PTPRN2: variants seen among roughly 807,000 people sequenced by gnomAD.
PTPRN2 encodes the protein protein tyrosine phosphatase receptor type N2.
A neutral mutation model predicts 118.8 loss-of-function variants in PTPRN2; 74 were observed. The ratio of observed to expected loss-of-function variants is 0.62; its 90% CI spans 0.52 to 0.76. PTPRN2 has a LOEUF of 0.76. PTPRN2 is among the 30% of genes least tolerant of loss of function. PTPRN2 has a pLI of 0.00. For missense variants in PTPRN2, 1,481 were observed against 1,394.4 expected (o/e 1.06, Z -0.99); for synonymous variants, 641 against 608.0 (o/e 1.05, Z -0.80).
At chr7:157,829,456 G>A (rs1219817929) in intron 12 of PTPRN2, among the ~76,000 whole-genome samples, 2 of 152,204 alleles carry the variant, frequency 1.3e-5, no homozygotes, top group Non-Finnish European at 1.5e-5. Context: ...CGTGTGCACC[G>A]CAGGCCATAC....
chr7:157,545,437 G>A (rs995405939), intron 22 of PTPRN2, among the ~76,000 whole-genome samples: 1 of 149,514 alleles, frequency 6.7e-6, no homozygotes, highest in African/African-American at 2.5e-5. Flanking sequence ...GTATGCATGG[G>A]TGTGTGCAGG....
chr7:157,662,894 A>AG (rs1454626788), intron 13 of PTPRN2, among the ~76,000 whole-genome samples: 1 of 152,128 alleles, frequency 6.6e-6, no homozygotes, highest in East Asian at 1.9e-4. Context: ...CAGGGTCTGA[A>AG]GGGAAGGCCT....
At chr7:157,854,027 C>T (rs1809494504) in intron 12 of PTPRN2, among the ~76,000 whole-genome samples, 1 of 152,210 alleles carries the variant, frequency 6.6e-6, no homozygotes, top group Admixed American at 6.5e-5. Context: ...TCAGAAGAAA[C>T]CAGCCCTGCC....
intron 2 of PTPRN2, among the ~76,000 whole-genome samples, chr7:158,370,170 G>A (rs1242142483): frequency 1.3e-5 from 2 of 152,220 alleles, no homozygotes; most frequent in Non-Finnish European, 2.9e-5. Flanking sequence ...CAGCGCAGTG[G>A]CTCATGCCTG....
chr7:157,725,707 C>A lies in PTPRN2; in HGVS notation c.1789-42770G>T, dbSNP rs1563042886. Among the ~76,000 whole-genome samples the A allele has an allele frequency of 3.5e-5, 3 of 85,864 alleles. No individual in the cohort carries two copies. In the East Asian group the frequency reaches 8.7e-4, roughly 25 times the overall value. The allele number at this position is 85,864 out of a possible 152,430, so 56.3% of individuals were successfully genotyped here. A position where few individuals can be genotyped will look rare whatever the true frequency, so the allele number is the denominator to read the frequency against. Reference sequence around the variant, plus strand: ...CTCGCCTCCCAGGAGAACTGGATATCCACATGCAGAGGAGTGAGCCAGACC... The same window carrying A: ...CTCGCCTCCCAGGAGAACTGGATATACACATGCAGAGGAGTGAGCCAGACC... On this transcript the variant is annotated intron_variant, in intron 12 of 22. Transcript: ENST00000389418.
rs142020708 is a variant in PTPRN2, at chr7:157,621,456, T to C, written c.2250A>G (p.Glu750=). 739 of 1,613,960 alleles carry C rather than the reference T, an allele frequency of 4.6e-4. 4 individuals carry two copies. In the African/African-American group the frequency reaches 8.4e-3, roughly 18 times the overall value. ...KNKNRLEKEW[E]ALCAYQAEPN... is the part of the protein sequence containing the mutation. Reference sequence around the variant, plus strand: ...GCTCCGCCTGGTAGGCGCACAGCGCTTCCCACTCCTTCTCCAGCCGGTTCT... The same window carrying C: ...GCTCCGCCTGGTAGGCGCACAGCGCCTCCCACTCCTTCTCCAGCCGGTTCT... Residue 750 remains glutamate (E), a synonymous_variant, in exon 15 of 23, where the codon GAA becomes GAG. Coordinates refer to ENST00000389418, the MANE Select transcript of PTPRN2 (RefSeq NM_002847.5).
chr7:158,097,792 AT>A (rs76239617), intron 10 of PTPRN2, among the ~76,000 whole-genome samples: 3,771 of 152,354 alleles, frequency 0.025, 139 homozygotes, highest in East Asian at 0.096. Context: ...GTCATAAGAA[AT>A]AATGGGATTT....
At chr7:158,245,933 G>A (rs1796220061) in intron 3 of PTPRN2, among the ~76,000 whole-genome samples, 1 of 152,034 alleles carries the variant, frequency 6.6e-6, no homozygotes. Context: ...AGGCACACTG[G>A]AAAGCTGCTC....
chr7:158,180,154 C>T (rs562769290), intron 5 of PTPRN2, among the ~76,000 whole-genome samples: 2 of 152,360 alleles, frequency 1.3e-5, no homozygotes, highest in South Asian at 4.1e-4. Context: ...GGGCTCCTTA[C>T]CCTGCATCAA....
intron 12 of PTPRN2, among the ~76,000 whole-genome samples, chr7:157,737,736 C>T (rs1365313379): frequency 6.6e-6 from 1 of 152,374 alleles, no homozygotes; most frequent in East Asian, 1.9e-4. Context: ...GGAGCATTTA[C>T]AGCATCGTGG....
intron 12 of PTPRN2, among the ~76,000 whole-genome samples, chr7:157,841,905 C>T (rs1808451398): frequency 6.6e-6 from 1 of 151,848 alleles, no homozygotes; most frequent in Admixed American, 6.6e-5. Context: ...ATACAGTACC[C>T]GGGGACTGTG....
chr7:158,225,561 G>T (rs1327735256), intron 3 of PTPRN2, among the ~76,000 whole-genome samples: 1 of 152,206 alleles, frequency 6.6e-6, no homozygotes, highest in Non-Finnish European at 1.5e-5. Context: ...GGCAGCCACA[G>T]CACCCATCTT....
Position 158,484,935 on chromosome 7 carries a change from A to G in PTPRN2, c.163+4800T>C, listed in dbSNP as rs116269851. Among the ~76,000 whole-genome samples, 1,138 of 152,296 alleles carry G rather than the reference A, an allele frequency of 7.5e-3. 18 individuals are homozygous for G. The highest frequency in any genetic ancestry group is 0.026 in the African/African-American group (1,078 of 41,568). On this transcript the variant is annotated intron_variant, in intron 2 of 22. Transcript: ENST00000389418. ...GACGCCGCCACGGGGAGTCGGCTGC[A>G]GGAGGAGCCTCCCCACCATCAGCGT...
chr7:158,586,513 C>G (rs1297580782), intron 1 of PTPRN2, among the ~76,000 whole-genome samples: 1 of 152,204 alleles, frequency 6.6e-6, no homozygotes, highest in Non-Finnish European at 1.5e-5. Context: ...CCTAACCTGT[C>G]ATGTGTAATT....
At position 158,574,384 on chromosome 7, in the gene PTPRN2, CA is replaced by C. The variant is rs1828212832; in HGVS notation, c.112+13173del. Among the ~76,000 whole-genome samples the C allele has an allele frequency of 6.6e-6, 1 of 152,178 alleles. No homozygotes were observed. The highest frequency in any genetic ancestry group is 2.4e-5 in the African/African-American group (1 of 41,450). The stretch of plus-strand genomic sequence containing the variant: ...TTTGTTTTGAATTTTTTATTATAAA[CA>C]TACAATGAGTTCAGTAGAGCACATA... On this transcript the variant is annotated intron_variant, in intron 1 of 22. Coordinates refer to ENST00000389418, the MANE Select transcript of PTPRN2 (RefSeq NM_002847.5). This position sits in a 1 kb window ranked among gnomAD's most constrained non-coding sequence, Gnocchi z 4.6.
intron 2 of PTPRN2, among the ~76,000 whole-genome samples, chr7:158,356,670 G>A (rs1344166103): frequency 7.9e-5 from 12 of 151,952 alleles, no homozygotes; most frequent in East Asian, 1.9e-4. Flanking sequence ...AGCGCTGTGC[G>A]TAAAGAAAAT....
rs991777740 is a variant in PTPRN2 at position 157,881,512 on chromosome 7, C to A, written c.1788+17161G>T. On this transcript the variant is annotated intron_variant, in intron 12 of 22. Transcript: ENST00000389418. The surrounding 1 kb of genome is among the most constrained non-coding windows in gnomAD (Gnocchi z 4.7). ...AATAAAGGTTTGTGACTGAAGCCCC[C>A]CACTCTGCAGTATTCTGTTGTGGCA... is the stretch of plus-strand genomic sequence containing the variant. Among the ~76,000 whole-genome samples, 2 of 152,058 alleles carry A rather than the reference C, an allele frequency of 1.3e-5. No individual in the cohort carries two copies. Among genetic ancestry groups the A allele is most frequent in the African/African-American group, 2.4e-5 (1 of 41,384 alleles).
At chr7:158,083,062 C>T (rs2128933044) in intron 10 of PTPRN2, among the ~76,000 whole-genome samples, 1 of 152,322 alleles carries the variant, frequency 6.6e-6, no homozygotes, top group South Asian at 2.1e-4. Flanking sequence ...AAGCCCTACT[C>T]CCGAGTGAGC....
intron 1 of PTPRN2, among the ~76,000 whole-genome samples, chr7:158,511,787 G>A (rs1823196417): frequency 6.6e-6 from 1 of 152,176 alleles, no homozygotes; most frequent in Non-Finnish European, 1.5e-5. Flanking sequence ...AAGAGCCAGG[G>A]TTCCCACATG....
Sources: allele counts gnomAD v4.1 joint callset (sites outside exome capture counted in the v4.1 genomes callset), GRCh38; gene constraint gnomAD v4.1.1; non-coding constraint Gnocchi (gnomAD v3.1); transcripts MANE v1.5; gene names NCBI Gene and HGNC (gene_info 2026-07-23, HGNC 2026-07-21).